ATXN1: variants seen among roughly 807,000 people sequenced by gnomAD.
The protein encoded by ATXN1 is ataxin-1.
ATXN1 carries 8 observed loss-of-function variants against 56.4 expected under a neutral mutation model. The ratio of observed to expected loss-of-function variants is 0.14; its 90% CI spans 0.08 to 0.26. The LOEUF (loss-of-function observed/expected upper bound fraction) is 0.26, where lower values mean the gene tolerates loss of function less well. Among genes scored for constraint, ATXN1 ranks in the 10% least tolerant of loss-of-function variants. The pLI is 1.00. For missense variants in ATXN1, 987 were observed against 1,106.5 expected, an observed-to-expected ratio of 0.89 and a Z score of 1.53; for synonymous variants, 514 against 494.6, an observed-to-expected ratio of 1.04 and a Z score of -0.52.
At chr6:16,758,435 T>C (rs1447336438) in intron 1 of ATXN1, among the ~76,000 whole-genome samples, 2 of 152,226 alleles carry the variant, frequency 1.3e-5, no homozygotes, top group South Asian at 2.1e-4. Flanking sequence ...CTCCTTTCAC[T>C]GTCTGGGGAG....
intron 4 of ATXN1, among the ~76,000 whole-genome samples, chr6:16,538,248 C>T (rs1031883996): frequency 1.8e-4 from 28 of 152,298 alleles, no homozygotes; most frequent in African/African-American, 6.7e-4. Flanking sequence ...TTGGGCAAAT[C>T]ACTTAACCTC....
intron 2 of ATXN1, chr6:16,750,016 T>G (rs750303278): frequency 2.6e-5 from 4 of 152,334 alleles, no homozygotes; most frequent in African/African-American, 4.8e-5. Context: ...CACATGGCCT[T>G]CCTCATGCTC....
intron 3 of ATXN1, among the ~76,000 whole-genome samples, chr6:16,610,857 A>AT (rs1268683620): frequency 1.2e-5 from 1 of 81,598 alleles, no homozygotes; most frequent in African/African-American, 3.9e-5. Flanking sequence ...GACGTCATCT[A>AT]TAAAAAAAAA....
At chr6:16,647,245 A>G (rs527838790) in intron 3 of ATXN1, among the ~76,000 whole-genome samples, 2 of 152,132 alleles carry the variant, frequency 1.3e-5, no homozygotes, top group Admixed American at 1.3e-4. Context: ...CTTGTGATCC[A>G]CCCACCATGG....
At chr6:16,384,084 C>A (rs941563329) in intron 6 of ATXN1, among the ~76,000 whole-genome samples, 2 of 152,296 alleles carry the variant, frequency 1.3e-5, no homozygotes, top group South Asian at 2.1e-4. Context: ...AACGCATGCA[C>A]CTGATTGCAA....
chr6:16,366,756 G>C (rs775254200), intron 6 of ATXN1, among the ~76,000 whole-genome samples: 1 of 150,958 alleles, frequency 6.6e-6, no homozygotes, highest in Non-Finnish European at 1.5e-5. Flanking sequence ...ACTCCAGCCT[G>C]GGTGACAGAG....
At chr6:16,641,048 G>A (rs1763698266) in intron 3 of ATXN1, among the ~76,000 whole-genome samples, 1 of 152,206 alleles carries the variant, frequency 6.6e-6, no homozygotes, top group Non-Finnish European at 1.5e-5. Context: ...TTAAGCCAAA[G>A]CCTAATCCAG....
chr6:16,375,537 A>G (rs1762126108), intron 6 of ATXN1, among the ~76,000 whole-genome samples: 2 of 152,198 alleles, frequency 1.3e-5, no homozygotes, highest in African/African-American at 4.8e-5. Flanking sequence ...TGATAATCAC[A>G]GTAGTTTCTG....
chr6:16,392,997 C>A (rs1182238676), intron 6 of ATXN1, among the ~76,000 whole-genome samples: 1 of 152,188 alleles, frequency 6.6e-6, no homozygotes, highest in Non-Finnish European at 1.5e-5. Context: ...TCACATGGCT[C>A]CCCTTAATGT....
chr6:16,395,251 C>G lies in ATXN1; in HGVS notation c.-160-66781G>C, dbSNP rs186615901. On this transcript the variant is annotated intron_variant, in intron 6 of 7. Transcript: ENST00000436367. ...CGCCATTGCATTCCAGCCTGGCCAACAAGAGCGAAACTCCGTCTCAAAAAA... is the reference window on the plus strand; with the variant it reads ...CGCCATTGCATTCCAGCCTGGCCAAGAAGAGCGAAACTCCGTCTCAAAAAA... Among the ~76,000 whole-genome samples, 46 of 95,862 alleles carry G rather than the reference C, an allele frequency of 4.8e-4. 1 individual carries two copies. In the East Asian group the frequency reaches 0.012, roughly 24 times the overall value. The allele number at this position is 95,862 out of a possible 152,430, so 62.9% of individuals were successfully genotyped here. A position where few individuals can be genotyped will look rare whatever the true frequency, so the allele number is the denominator to read the frequency against.
At chr6:16,558,187 A>G (rs1441995035) in intron 4 of ATXN1, among the ~76,000 whole-genome samples, 7 of 152,000 alleles carry the variant, frequency 4.6e-5, no homozygotes, top group Non-Finnish European at 1.0e-4. Context: ...CTGTAATCCT[A>G]GCACTTTAGA....
At chr6:16,388,644 C>A (rs567404520) in intron 6 of ATXN1, among the ~76,000 whole-genome samples, 1 of 152,322 alleles carries the variant, frequency 6.6e-6, no homozygotes, top group South Asian at 2.1e-4. Flanking sequence ...AGAAAGCTGG[C>A]ATGATTCAAT....
chr6:16,571,514 C>A lies in ATXN1; in HGVS notation c.-361+14266G>T, dbSNP rs539300614. 1.3e-4 allele frequency among the ~76,000 whole-genome samples: 20 copies of A among 152,166 alleles called. No homozygotes were observed. In the South Asian group the frequency reaches 4.1e-3, roughly 32 times the overall value. ...TTCTTTTATTTTATTTTTCTAGAGA[C>A]AGGGTCTCACTTTGCCACCCAGACT... On this transcript the variant is annotated intron_variant, in intron 4 of 7. Transcript: ENST00000436367.
chr6:16,341,084 T>A (rs537516115), intron 6 of ATXN1, among the ~76,000 whole-genome samples: 3 of 152,344 alleles, frequency 2.0e-5, no homozygotes, highest in Admixed American at 6.5e-5. Context: ...TTACTAGAAA[T>A]CTACCATAGA....
intron 5 of ATXN1, among the ~76,000 whole-genome samples, chr6:16,488,871 T>C (rs914759008): frequency 2.0e-5 from 3 of 152,182 alleles, no homozygotes; most frequent in African/African-American, 7.2e-5. Context: ...CCTGGCAACT[T>C]TGACACACTC....
chr6:16,723,145 G>A (rs561054890), intron 2 of ATXN1, among the ~76,000 whole-genome samples: 5 of 152,138 alleles, frequency 3.3e-5, no homozygotes, highest in South Asian at 2.1e-4. Context: ...AGTCACTGCC[G>A]TGATTTATAA....
chr6:16,398,760 G>T (rs1758506418), intron 6 of ATXN1, among the ~76,000 whole-genome samples: 2 of 152,222 alleles, frequency 1.3e-5, no homozygotes, highest in South Asian at 4.1e-4. Context: ...TGGGAAAAAT[G>T]TGAAGAATGC....
At chr6:16,409,516 G>A (rs1758754573) in intron 6 of ATXN1, among the ~76,000 whole-genome samples, 1 of 152,002 alleles carries the variant, frequency 6.6e-6, no homozygotes, top group Non-Finnish European at 1.5e-5. Context: ...AACCTGGCGT[G>A]GTGGCTCACG....
At chr6:16,486,784 T>C (rs977627829) in intron 5 of ATXN1, among the ~76,000 whole-genome samples, 2 of 151,232 alleles carry the variant, frequency 1.3e-5, no homozygotes, top group African/African-American at 4.9e-5. Context: ...TGCAGGAGCG[T>C]GGTTATTTGG....
Sources: gnomAD v4.1 joint callset for allele counts (sites outside exome capture counted in the v4.1 genomes callset) on GRCh38, gnomAD v4.1.1 for gene constraint, MANE v1.5 for transcripts, NCBI Gene and HGNC (gene_info 2026-07-23, HGNC 2026-07-21) for gene names.